DPYD: variants seen among roughly 807,000 people sequenced by gnomAD.
DPYD encodes dihydropyrimidine dehydrogenase [NADP(+)].
DPYD carries 109 observed loss-of-function variants against 116.2 expected under a neutral mutation model. That is an observed-to-expected ratio of 0.94 (90% CI 0.80 to 1.10). DPYD has a LOEUF of 1.10. DPYD is among the 50% of genes least tolerant of loss of function. DPYD has a pLI of 0.00. For synonymous variants in DPYD, 440 were observed against 432.0 expected, an observed-to-expected ratio of 1.02 and a Z score of -0.23; for missense variants, 1,302 against 1,254.5, an observed-to-expected ratio of 1.04 and a Z score of -0.57.
At chr1:97,157,042 T>G (rs1655516272) in intron 20 of DPYD, among the ~76,000 whole-genome samples, 1 of 140,746 alleles carries the variant, frequency 7.1e-6, no homozygotes. Context: ...CCGCATATTC[T>G]CACTCATAGG....
rs1648195660 is a variant in DPYD at position 97,515,933 on chromosome 1, A to G, written c.1533T>C (p.Tyr511=). The change falls in exon 13 of 23, where the codon TAT becomes TAC. Residue 511 remains tyrosine (Y), a synonymous_variant. Transcript: ENST00000370192. ...CAGGCTTGGCAGAAACGGAAGCTCC[A>G]TATTGTGACTGCAAAATACAAACCA... ...WYIHKYVQSQ[Y]GASVSAKPEL... 2 of 1,612,412 alleles carry G rather than the reference A, an allele frequency of 1.2e-6. No individual in the cohort carries two copies. Among genetic ancestry groups the G allele is most frequent in the Middle Eastern group, 1.7e-4 (1 of 6,060 alleles).
At chr1:97,633,998 G>A (rs2100801091) in intron 8 of DPYD, among the ~76,000 whole-genome samples, 1 of 152,128 alleles carries the variant, frequency 6.6e-6, no homozygotes, top group East Asian at 1.9e-4. Context: ...GACAGATAAG[G>A]GGAAAGAAGA....
At chr1:97,222,672 C>A (rs1660854075) in intron 19 of DPYD, among the ~76,000 whole-genome samples, 1 of 151,980 alleles carries the variant, frequency 6.6e-6, no homozygotes, top group African/African-American at 2.4e-5. Flanking sequence ...AAACTAAAAG[C>A]ATTTTTTTCT....
At chr1:97,743,360 A>G (rs893401018) in intron 3 of DPYD, among the ~76,000 whole-genome samples, 3 of 152,068 alleles carry the variant, frequency 2.0e-5, no homozygotes, top group African/African-American at 4.8e-5. Context: ...GCTGCCATTA[A>G]TCCCACTTAT....
chr1:97,919,326 G>A (rs1046222684), intron 1 of DPYD, among the ~76,000 whole-genome samples: 2 of 152,190 alleles, frequency 1.3e-5, no homozygotes, highest in East Asian at 1.9e-4. Flanking sequence ...GGAGTGGGAA[G>A]GATGGGCTTC....
intron 20 of DPYD, among the ~76,000 whole-genome samples, chr1:97,119,476 G>T (rs949081158): frequency 6.6e-6 from 1 of 152,178 alleles, no homozygotes; most frequent in Non-Finnish European, 1.5e-5. Context: ...GTCATGGGCT[G>T]ACAGGAGAGG....
chr1:97,527,611 A>G (rs1024275160), intron 12 of DPYD, among the ~76,000 whole-genome samples: 3 of 152,112 alleles, frequency 2.0e-5, no homozygotes, highest in Non-Finnish European at 4.4e-5. Context: ...ATAACCCATT[A>G]TTTTATTATT....
intron 8 of DPYD, among the ~76,000 whole-genome samples, chr1:97,639,377 T>C (rs1416409879): frequency 1.3e-5 from 2 of 152,182 alleles, no homozygotes; most frequent in African/African-American, 4.8e-5. Flanking sequence ...TTTTGTTTTC[T>C]ACCGCTCCAT....
At position 97,235,047 on chromosome 1, in the gene DPYD, T is replaced by C. The variant is rs1427213278; in HGVS notation, c.2300-53A>G. The C allele has an allele frequency of 7.5e-6, 12 of 1,603,950 alleles. No individual in the cohort carries two copies. In the South Asian group the frequency reaches 1.3e-4, roughly 18 times the overall value. Reference sequence around the variant, plus strand: ...TAGCACACTGACCACTTGAGTATACTGTCTTATATTACTTCTATTACTATG... The same window carrying C: ...TAGCACACTGACCACTTGAGTATACCGTCTTATATTACTTCTATTACTATG... On this transcript the variant is annotated intron_variant, in intron 18 of 22. Transcript: ENST00000370192.
intron 18 of DPYD, among the ~76,000 whole-genome samples, chr1:97,283,118 G>A (rs1665434779): frequency 6.6e-6 from 1 of 151,928 alleles, no homozygotes; most frequent in Admixed American, 6.6e-5. Flanking sequence ...TAGTACAATT[G>A]TTAAAATTTT....
chr1:97,354,932 A>T (rs1382097332), intron 16 of DPYD, among the ~76,000 whole-genome samples: 2 of 152,200 alleles, frequency 1.3e-5, no homozygotes, highest in Admixed American at 6.5e-5. Context: ...TTTATTTTTC[A>T]TGTGGAGAAT....
chr1:97,897,352 T>C (rs1208917897), intron 1 of DPYD, among the ~76,000 whole-genome samples: 1 of 151,896 alleles, frequency 6.6e-6, no homozygotes, highest in African/African-American at 2.4e-5. Context: ...TTTTGACCAA[T>C]TTGATTATGA....
chr1:97,596,352 T>C (rs898887259), intron 8 of DPYD, among the ~76,000 whole-genome samples: 1 of 152,166 alleles, frequency 6.6e-6, no homozygotes, highest in African/African-American at 2.4e-5. Context: ...TATTTCCTTA[T>C]TTTCCAAATT....
intron 16 of DPYD, among the ~76,000 whole-genome samples, chr1:97,336,837 T>C (rs1669310753): frequency 6.6e-6 from 1 of 151,896 alleles, no homozygotes; most frequent in Admixed American, 6.6e-5. Context: ...AGGAACAAGG[T>C]GAAAATGGAA....
intron 3 of DPYD, among the ~76,000 whole-genome samples, chr1:97,752,267 C>T (rs1664972127): frequency 6.7e-6 from 1 of 149,802 alleles, no homozygotes; most frequent in Non-Finnish European, 1.5e-5. Flanking sequence ...CTCCCTTTTA[C>T]AAAAATAAAA....
chr1:97,639,940 AGCT>A (rs1657792061), intron 8 of DPYD, among the ~76,000 whole-genome samples: 1 of 152,184 alleles, frequency 6.6e-6, no homozygotes, highest in Non-Finnish European at 1.5e-5. Context: ...ATCTTGTGAA[AGCT>A]GGCCTTTATT....
chr1:97,382,876 T>TGGAA (rs1289977353), intron 14 of DPYD, among the ~76,000 whole-genome samples: 2 of 148,098 alleles, frequency 1.4e-5, no homozygotes, highest in Non-Finnish European at 3.0e-5. Flanking sequence ...GAAAAGGTTT[T>TGGAA]AAGTGATGGA....
At chr1:97,258,372 A>C (rs1459591567) in intron 18 of DPYD, among the ~76,000 whole-genome samples, 4 of 152,214 alleles carry the variant, frequency 2.6e-5, no homozygotes, top group African/African-American at 4.8e-5. Context: ...AGTACAGGCA[A>C]GTGAATAAAT....
At chr1:97,810,820 C>T (rs534918560) in intron 3 of DPYD, among the ~76,000 whole-genome samples, 57 of 152,118 alleles carry the variant, frequency 3.7e-4, no homozygotes, top group African/African-American at 1.3e-3. Flanking sequence ...ACCTAGTATA[C>T]GAAATACTCC....
Sources: allele counts gnomAD v4.1 joint callset (sites outside exome capture counted in the v4.1 genomes callset), GRCh38; gene constraint gnomAD v4.1.1; transcripts MANE v1.5; gene names NCBI Gene and HGNC (gene_info 2026-07-23, HGNC 2026-07-21).